The following TOM1L2 variants were observed in gnomAD, a reference collection of about 807,000 sequenced individuals.
The protein encoded by TOM1L2 is target of myb1 like 2 membrane trafficking protein, also known as TOM1-like protein 2.
TOM1L2 carries 31 observed loss-of-function variants against 67.9 expected under a neutral mutation model. The observed-to-expected ratio is 0.46, with a 90% CI of 0.34 to 0.62. TOM1L2 has a LOEUF of 0.62. Among genes scored for constraint, TOM1L2 ranks in the 20% least tolerant of loss-of-function variants. The pLI, the probability that TOM1L2 is intolerant of heterozygous loss-of-function variation, is 0.01. For synonymous variants in TOM1L2, 256 were observed against 254.0 expected (o/e 1.01, Z -0.07); for missense variants, 606 against 663.5 (o/e 0.91, Z 0.95).
chr17:17,866,437 T>C lies in TOM1L2; in HGVS notation c.961-18A>G, dbSNP rs920723547. On this transcript the variant is annotated intron_variant, in intron 9 of 14. Transcript: ENST00000379504. ...TTCAGTACCTGTCAGAACATGAGAT[T>C]GGCCATAAGCCCCAGAACCCTGGAG... The C allele has an allele frequency of 1.0e-5, 16 of 1,581,476 alleles. No homozygotes were observed. The highest frequency in any genetic ancestry group is 1.4e-5 in the Non-Finnish European group (16 of 1,161,248).
intron 7 of TOM1L2, among the ~76,000 whole-genome samples, chr17:17,870,666 G>A (rs1042550094): frequency 9.2e-5 from 14 of 152,176 alleles, no homozygotes; most frequent in African/African-American, 1.9e-4. Flanking sequence ...TTATTCACAG[G>A]AGACACGGCA....
rs541200240 is a variant in TOM1L2, at chr17:17,871,961, C to T, written c.778-2488G>A. On this transcript the variant is annotated intron_variant, in intron 7 of 14. Coordinates refer to ENST00000379504, the MANE Select transcript of TOM1L2 (RefSeq NM_001082968.2). Reference sequence around the variant, plus strand: ...GTAAAGAGAAAACTCCACAAAATACCCACTCTCCTCTGTTGTGAATGGCTC... The same window carrying T: ...GTAAAGAGAAAACTCCACAAAATACTCACTCTCCTCTGTTGTGAATGGCTC... 182 of 985,202 alleles carry T rather than the reference C, an allele frequency of 1.8e-4. No homozygotes were observed. In the African/African-American group the frequency reaches 2.0e-3, roughly 11 times the overall value. The allele number at this position is 985,202 out of a possible 1,614,324, so 61.0% of individuals were successfully genotyped here. A position where few individuals can be genotyped will look rare whatever the true frequency, so the allele number is the denominator to read the frequency against.
chr17:17,961,448 G>A (rs1416899238), intron 1 of TOM1L2, among the ~76,000 whole-genome samples: 1 of 151,988 alleles, frequency 6.6e-6, no homozygotes, highest in African/African-American at 2.4e-5. Context: ...GGTGGTGCAT[G>A]CCTATAGTCC....
intron 11 of TOM1L2, 100 bp from the exon 12 acceptor site, chr17:17,861,651 C>T (rs2036566343): frequency 1.0e-6 from 1 of 1,001,602 alleles, no homozygotes; most frequent in Non-Finnish European, 1.5e-6. Context: ...ATGGTCCTTC[C>T]TCAGATGTCC....
At chr17:17,878,126 C>G (rs536454479) in intron 7 of TOM1L2, among the ~76,000 whole-genome samples, 1 of 152,248 alleles carries the variant, frequency 6.6e-6, no homozygotes, top group Non-Finnish European at 1.5e-5. Flanking sequence ...ATCTGGGTAA[C>G]GCCTGGCCGA....
At chr17:17,948,478 C>G (rs529333598) in intron 1 of TOM1L2, among the ~76,000 whole-genome samples, 27 of 152,266 alleles carry the variant, frequency 1.8e-4, no homozygotes, top group South Asian at 1.5e-3. Context: ...GAAACCCCGT[C>G]TCTACTAAAA....
At chr17:17,857,716 A>G (rs2036320440) in intron 12 of TOM1L2, 1 of 1,461,250 alleles carries the variant, frequency 6.8e-7, no homozygotes, top group Non-Finnish European at 9.3e-7. Flanking sequence ...GAGCTGTTAC[A>G]CAGGTAGGGG....
At chr17:17,910,324 C>T (rs528812603) in intron 1 of TOM1L2, among the ~76,000 whole-genome samples, 1 of 152,224 alleles carries the variant, frequency 6.6e-6, no homozygotes, top group South Asian at 2.1e-4. Context: ...TCTGTGAGGG[C>T]AGGGACTAGG....
chr17:17,866,421 T>C lies in TOM1L2; in HGVS notation c.961-2A>G. The C allele has an allele frequency of 6.3e-7, 1 of 1,592,000 alleles. No individual in the cohort carries two copies. The highest frequency in any genetic ancestry group is 8.6e-7 in the Non-Finnish European group (1 of 1,167,356). ...GTCTTCGGTTACTTCATTCAGTACC[T>C]GTCAGAACATGAGATTGGCCATAAG... On this transcript the variant is annotated splice_acceptor_variant, in intron 9 of 14. Transcript: ENST00000379504. LOFTEE classifies it high-confidence loss of function.
At chr17:17,903,843 T>C (rs1260532521) in intron 2 of TOM1L2, among the ~76,000 whole-genome samples, 1 of 151,064 alleles carries the variant, frequency 6.6e-6, no homozygotes, top group African/African-American at 2.4e-5. Flanking sequence ...AACTGAGAGA[T>C]CCAGTGAATG....
chr17:17,946,173 C>G (rs1363165163), intron 1 of TOM1L2, among the ~76,000 whole-genome samples: 1 of 152,146 alleles, frequency 6.6e-6, no homozygotes, highest in Non-Finnish European at 1.5e-5. Flanking sequence ...CCACCGCACC[C>G]TGCCGTAATT....
At chr17:17,947,508 T>C (rs1243223002) in intron 1 of TOM1L2, among the ~76,000 whole-genome samples, 1 of 152,158 alleles carries the variant, frequency 6.6e-6, no homozygotes, top group Non-Finnish European at 1.5e-5. Context: ...GGAATGACCA[T>C]GTGAGGACAC....
rs770625527 is a variant in TOM1L2 at position 17,884,642 on chromosome 17, G to C, written c.493C>G (p.Pro165Ala). Reference sequence around the variant, plus strand: ...GCCAGCTGGAAGCTTACCCGCTGTGGTGTGTGTATGGGAGACAGAGCGTCC... The same window carrying C: ...GCCAGCTGGAAGCTTACCCGCTGTGCTGTGTGTATGGGAGACAGAGCGTCC... ...DLDALSPIHT[P>A]QRSVPEVDPA... The change falls in exon 5 of 15, where the codon CCA (proline) becomes GCA (alanine). Residue 165 changes from proline (P) to alanine (A), a missense_variant. Pro to Ala is a conservative substitution (Grantham distance 27, BLOSUM62 -1). Around this residue, in one of 2 missense-constraint regions of TOM1L2, gnomAD observed 543 missense variants for 554.0 expected, o/e 0.98. Transcript: ENST00000379504. 1.9e-6 allele frequency: 3 copies of C among 1,614,106 alleles called. No homozygotes were observed. The Admixed American group carries it at 5.0e-5, about 27-fold the overall frequency.
intron 1 of TOM1L2, among the ~76,000 whole-genome samples, chr17:17,914,356 TCTCTA>T (rs1313209980): frequency 6.6e-6 from 1 of 152,112 alleles, no homozygotes; most frequent in Non-Finnish European, 1.5e-5. Context: ...AGTCTTTTCT[TCTCTA>T]AACAGATGTG....
intron 1 of TOM1L2, among the ~76,000 whole-genome samples, chr17:17,926,326 T>C (rs1478332754): frequency 6.6e-6 from 1 of 152,156 alleles, no homozygotes. Context: ...CAGGCCTCCC[T>C]GCTAACTCTC....
At chr17:17,945,275 C>T (rs1363632332) in intron 1 of TOM1L2, among the ~76,000 whole-genome samples, 2 of 151,042 alleles carry the variant, frequency 1.3e-5, no homozygotes, top group Non-Finnish European at 2.9e-5. Context: ...CATACACACA[C>T]ACACACACAC....
At chr17:17,873,445 G>GC (rs754324486) in intron 7 of TOM1L2, among the ~76,000 whole-genome samples, 4 of 151,864 alleles carry the variant, frequency 2.6e-5, no homozygotes, top group South Asian at 4.1e-4. Context: ...AAAACCTCCA[G>GC]CAAGGGGTGA....
intron 1 of TOM1L2, among the ~76,000 whole-genome samples, chr17:17,946,861 A>G (rs1568352461): frequency 1.3e-5 from 2 of 152,132 alleles, no homozygotes; most frequent in Non-Finnish European, 2.9e-5. Context: ...AGCAGCTGGG[A>G]CTACAGGGAT....
intron 12 of TOM1L2, chr17:17,858,226 A>ATTTTTTTTTTTTTTTTTTTTTTTTTTTTT (rs10664045): frequency 6.4e-6 from 1 of 156,448 alleles, no homozygotes. Context: ...TTTTTCCTAC[A>ATTTTTTTTTTTTTTTTTTTTTTTTTTTTT]TTTTTTTTTT....
Sources: gnomAD v4.1 joint callset for allele counts (sites outside exome capture counted in the v4.1 genomes callset) on GRCh38, gnomAD v4.1.1 for gene constraint, gnomAD v4.1.1 regional missense constraint, MANE v1.5 for transcripts, NCBI Gene and HGNC (gene_info 2026-07-23, HGNC 2026-07-21) for gene names.